VEPH1: variants seen among roughly 807,000 people sequenced by gnomAD.
VEPH1 encodes ventricular zone expressed PH domain containing 1.
VEPH1 carries 80 observed loss-of-function variants against 85.2 expected under a neutral mutation model. The observed-to-expected ratio is 0.94, with a 90% CI of 0.78 to 1.13. VEPH1 has a LOEUF of 1.13. Ranked by LOEUF, VEPH1 falls within the 50% of genes most tolerant of loss-of-function variation. The probability of loss-of-function intolerance (pLI) is 0.00; values close to 1 mark genes in which losing one functional copy is unlikely to be tolerated. For missense variants in VEPH1, 955 were observed against 980.5 expected, an observed-to-expected ratio of 0.97 and a Z score of 0.35; for synonymous variants, 297 against 348.0, an observed-to-expected ratio of 0.85 and a Z score of 1.63.
chr3:157,433,614 A>T (rs1733334209), intron 4 of VEPH1, among the ~76,000 whole-genome samples: 1 of 152,186 alleles, frequency 6.6e-6, no homozygotes, highest in Non-Finnish European at 1.5e-5. Context: ...TTTTATGCAT[A>T]TTGCTGTGTT....
At chr3:157,420,743 T>C (rs1732268377) in intron 5 of VEPH1, among the ~76,000 whole-genome samples, 6 of 152,160 alleles carry the variant, frequency 3.9e-5, no homozygotes, top group Admixed American at 3.9e-4. Context: ...AATAATTCTC[T>C]CCTCTAGGGA....
chr3:157,272,380 TTTC>T (rs558044814), intron 12 of VEPH1, among the ~76,000 whole-genome samples: 3,594 of 99,208 alleles, frequency 0.036, 122 homozygotes, highest in South Asian at 0.06. Context: ...CTTTCTTTTC[TTTC>T]TTTCTTTCTT....
intron 1 of VEPH1, 113 bp from the exon 2 acceptor site, chr3:157,495,619 C>T: frequency 2.2e-6 from 1 of 446,862 alleles, no homozygotes; most frequent in Non-Finnish European, 3.5e-6. Context: ...GAAACATGTG[C>T]CTAGACTAAT....
At chr3:157,387,870 C>T (rs1729468812) in intron 6 of VEPH1, among the ~76,000 whole-genome samples, 2 of 152,042 alleles carry the variant, frequency 1.3e-5, no homozygotes, top group South Asian at 4.2e-4. Flanking sequence ...AGATGTGCAG[C>T]CAAAGGAGAA....
intron 7 of VEPH1, among the ~76,000 whole-genome samples, chr3:157,371,255 C>T (rs1727457457): frequency 6.6e-6 from 1 of 152,088 alleles, no homozygotes; most frequent in Non-Finnish European, 1.5e-5. Context: ...ATAGAAATGG[C>T]CAATTAAAAA....
intron 11 of VEPH1, among the ~76,000 whole-genome samples, chr3:157,290,629 C>T (rs942930462): frequency 3.9e-5 from 6 of 151,952 alleles, no homozygotes; most frequent in African/African-American, 1.5e-4. Context: ...CAAAATAAAA[C>T]ACAAAAGAAT....
chr3:157,408,294 C>T (rs764964268), intron 6 of VEPH1, among the ~76,000 whole-genome samples: 3 of 152,134 alleles, frequency 2.0e-5, no homozygotes, highest in Non-Finnish European at 2.9e-5. Context: ...CAACTTTATT[C>T]TCATCTTTCA....
At chr3:157,458,705 T>C (rs1735579898) in intron 4 of VEPH1, among the ~76,000 whole-genome samples, 1 of 152,242 alleles carries the variant, frequency 6.6e-6, no homozygotes, top group South Asian at 2.1e-4. Flanking sequence ...GCCAAGGCTA[T>C]TGTCAAGAAG....
chr3:157,364,227 C>T, intron 8 of VEPH1, 76 bp downstream of exon 8: 1 of 1,165,108 alleles, frequency 8.6e-7, no homozygotes, highest in Non-Finnish European at 1.2e-6. Context: ...TAAAAAACAC[C>T]CCATAACAGA....
At chr3:157,503,193 T>C (rs1740249677) in intron 1 of VEPH1, 84 bp downstream of exon 1, 1 of 152,276 alleles carries the variant, frequency 6.6e-6, no homozygotes, top group South Asian at 2.1e-4. Flanking sequence ...TCCCCCACTC[T>C]TTGCTTCTTT....
intron 12 of VEPH1, among the ~76,000 whole-genome samples, chr3:157,272,289 C>A (rs1714686823): frequency 1.2e-5 from 1 of 80,518 alleles, no homozygotes; most frequent in Admixed American, 1.4e-4. Context: ...TCCTTCCTTC[C>A]TTCCTTCCCT....
chr3:157,302,275 T>G (rs138465487), intron 11 of VEPH1, among the ~76,000 whole-genome samples: 3 of 152,306 alleles, frequency 2.0e-5, no homozygotes, highest in Non-Finnish European at 4.4e-5. Flanking sequence ...TAATTTTACT[T>G]TTGTCCCTTT....
intron 6 of VEPH1, among the ~76,000 whole-genome samples, chr3:157,401,905 C>T (rs187009818): frequency 1.2e-4 from 19 of 152,176 alleles, no homozygotes; most frequent in African/African-American, 3.9e-4. Context: ...AGAAAAAGTC[C>T]GAAATATGCT....
At chr3:157,429,591 T>C (rs547170459) in intron 4 of VEPH1, among the ~76,000 whole-genome samples, 2 of 152,368 alleles carry the variant, frequency 1.3e-5, no homozygotes, top group South Asian at 4.1e-4. Context: ...AAACAGGTTT[T>C]ATCATGTTCC....
Position 157,480,038 on chromosome 3 carries a change from TTTTC to T in VEPH1, c.139-9513_139-9510del, listed in dbSNP as rs971129900. Among the ~76,000 whole-genome samples, 39 of 151,170 alleles carry T rather than the reference TTTTC, an allele frequency of 2.6e-4. 1 individual carries two copies. Among genetic ancestry groups the T allele is most frequent in the East Asian group, 1.9e-4 (1 of 5,152 alleles). On this transcript the variant is annotated intron_variant, in intron 2 of 13. Coordinates refer to ENST00000362010, the MANE Select transcript of VEPH1 (RefSeq NM_001167912.2). ...TTCTTTTCTCTTTCTTTCATTCTTTTTTTCTTTCTTTCTTTCCTTTTTCTTTCTT... is the reference window on the plus strand; with the variant it reads ...TTCTTTTCTCTTTCTTTCATTCTTTTTTTCTTTCTTTCCTTTTTCTTTCTT...
intron 4 of VEPH1, among the ~76,000 whole-genome samples, chr3:157,458,148 A>G (rs1341933725): frequency 2.0e-5 from 3 of 152,162 alleles, no homozygotes; most frequent in African/African-American, 7.2e-5. Context: ...GTTAATGTGT[A>G]TAGAGGTGTT....
At chr3:157,268,230 TC>T (rs1434752898) in intron 12 of VEPH1, among the ~76,000 whole-genome samples, 3 of 152,096 alleles carry the variant, frequency 2.0e-5, no homozygotes, top group Admixed American at 6.5e-5. Flanking sequence ...GCACTGTGTC[TC>T]CCCACTGGGT....
chr3:157,413,788 A>T, intron 6 of VEPH1, 93 bp downstream of exon 6: 1 of 1,443,280 alleles, frequency 6.9e-7, no homozygotes, highest in Admixed American at 2.3e-5. Context: ...ATTCCAGGAC[A>T]AATTTGCACG....
At chr3:157,350,836 A>C (rs1190199706) in intron 9 of VEPH1, among the ~76,000 whole-genome samples, 1 of 152,234 alleles carries the variant, frequency 6.6e-6, no homozygotes, top group Non-Finnish European at 1.5e-5. Context: ...GCCTCACCCC[A>C]GTTACAGTGG....
Sources: gnomAD v4.1 joint callset for allele counts (sites outside exome capture counted in the v4.1 genomes callset) on GRCh38, gnomAD v4.1.1 for gene constraint, MANE v1.5 for transcripts, NCBI Gene and HGNC (gene_info 2026-07-23, HGNC 2026-07-21) for gene names.